NFKB2: variants seen among roughly 807,000 people sequenced by gnomAD.
The protein encoded by NFKB2 is nuclear factor NF-kappa-B p100 subunit.
Under a neutral mutation model 109.3 loss-of-function variants are expected in NFKB2, and 21 were observed. That is an observed-to-expected ratio of 0.19 (90% CI 0.14 to 0.28). NFKB2 has a LOEUF of 0.28. Among genes scored for constraint, NFKB2 ranks in the 10% least tolerant of loss-of-function variants. The pLI, the probability that NFKB2 is intolerant of heterozygous loss-of-function variation, is 1.00. For synonymous variants in NFKB2, 478 were observed against 489.9 expected, an observed-to-expected ratio of 0.98 and a Z score of 0.32; for missense variants, 806 against 1,185.3, an observed-to-expected ratio of 0.68 and a Z score of 4.70.
chr10:102,402,136 CCCGAGA>C lies in NFKB2; in HGVS notation c.2557_2562del (p.Arg853_Asp854del), dbSNP rs1192001551. The C allele has an allele frequency of 3.9e-5, 61 of 1,577,996 alleles. No homozygotes were observed. The highest frequency in any genetic ancestry group is 4.8e-5 in the Non-Finnish European group (56 of 1,161,498). ...GTGAGGCTGCTGAGGGGTCCAGAAA[CCCGAGA>C]CAAGCTGCCCAGCACAGGTAAAGGG... On this transcript the variant is annotated inframe_deletion, in exon 22 of 23. Coordinates refer to ENST00000661543, the MANE Select transcript of NFKB2 (RefSeq NM_001322934.2).
Position 102,400,989 on chromosome 10 carries a change from C to T in NFKB2, c.2011C>T (p.Pro671Ser). The change falls in exon 18 of 23, where the codon CCC becomes TCC. Residue 671 changes from proline to serine, a missense_variant. Pro to Ser is a moderately conservative substitution (Grantham distance 74). Coordinates refer to ENST00000661543, the MANE Select transcript of NFKB2 (RefSeq NM_001322934.2). The surrounding 1 kb of genome is among the most constrained non-coding windows in gnomAD (Gnocchi z 6.3). Reference sequence around the variant, plus strand: ...CGCTCGCACCTTTGCGGGAAACACACCCCTGCACCTGGCAGCTGGACTGGG... The same window carrying T: ...CGCTCGCACCTTTGCGGGAAACACATCCCTGCACCTGGCAGCTGGACTGGG... ...VNARTFAGNT[P>S]LHLAAGLGYP... 2 of 1,614,094 alleles carry T rather than the reference C, an allele frequency of 1.2e-6. No individual in the cohort carries two copies. Among genetic ancestry groups the T allele is most frequent in the Non-Finnish European group, 1.7e-6 (2 of 1,179,984 alleles).
At position 102,396,263 on chromosome 10, in the gene NFKB2, GTAT is replaced by G. The variant is rs1415928008; in HGVS notation, c.37_39del (p.Ile13del). 6.2e-7 allele frequency: 1 copy of G among 1,611,444 alleles called. No individual in the cohort carries two copies. Among genetic ancestry groups the G allele is most frequent in the Non-Finnish European group, 8.5e-7 (1 of 1,177,848 alleles). The stretch of plus-strand genomic sequence containing the variant: ...CTGTCTCCAAACCAGGGTCTGGATG[GTAT>G]TATTGAATATGATGATTTCAAATTG... On this transcript the variant is annotated inframe_deletion, in exon 3 of 23. Coordinates refer to ENST00000661543, the MANE Select transcript of NFKB2 (RefSeq NM_001322934.2). The surrounding 1 kb of genome is among the most constrained non-coding windows in gnomAD (Gnocchi z 5.9).
At position 102,395,881 on chromosome 10, in the gene NFKB2, A is replaced by C; in HGVS notation, c.-72-7A>C. 8.2e-7 allele frequency: 1 copy of C among 1,226,986 alleles called. No individual in the cohort carries two copies. Among genetic ancestry groups the C allele is most frequent in the Non-Finnish European group, 1.1e-6 (1 of 940,348 alleles). 76.0% of individuals were successfully genotyped at this position (1,226,986 alleles called of 1,614,324 possible). ...CCCCTCCCCCACGCCACTCCTCCCA[A>C]CTTTAGGCGGGCGTCTAAAATTCTG... On this transcript the variant is annotated splice_polypyrimidine_tract_variant and splice_region_variant and intron_variant, in intron 1 of 22. Transcript: ENST00000661543.
rs2061183938 is a variant in NFKB2 at position 102,399,496 on chromosome 10, A to T, written c.1326A>T (p.Arg442=). 6.7e-7 allele frequency: 1 copy of T among 1,496,154 alleles called. No individual in the cohort carries two copies. Among genetic ancestry groups the T allele is most frequent in the Non-Finnish European group, 8.9e-7 (1 of 1,121,368 alleles). The allele number at this position is 1,496,154 out of a possible 1,614,324, so 92.7% of individuals were successfully genotyped here. A position where few individuals can be genotyped will look rare whatever the true frequency, so the allele number is the denominator to read the frequency against. ...CEPQAPEMLQ[R]AREYNARLFG... ...CGCAGGCCCCGGAGATGCTGCAGCGAGGTATGGACTCCGGGGCACGGGCGG... is the reference window on the plus strand; with the variant it reads ...CGCAGGCCCCGGAGATGCTGCAGCGTGGTATGGACTCCGGGGCACGGGCGG... The change falls in exon 13 of 23, where the codon CGA becomes CGT. Residue 442 remains arginine (R), a splice_region_variant and synonymous_variant. Transcript: ENST00000661543.
Position 102,400,081 on chromosome 10 carries a change from C to A in NFKB2, c.1471C>A (p.Pro491Thr). The A allele has an allele frequency of 1.9e-6, 3 of 1,613,962 alleles. No individual in the cohort carries two copies. Among genetic ancestry groups the A allele is most frequent in the Non-Finnish European group, 2.5e-6 (3 of 1,179,894 alleles). The change falls in exon 15 of 23, where the codon CCA becomes ACA. Residue 491 changes from proline to threonine, a missense_variant and splice_region_variant. Coordinates refer to ENST00000661543, the MANE Select transcript of NFKB2 (RefSeq NM_001322934.2). This position sits in a 1 kb window ranked among gnomAD's most constrained non-coding sequence, Gnocchi z 6.3. ...AGACTCTCGCTCCCCAACCCCCAGA[C>A]CACTGCACCTAGCCATCATCCACGG... The part of the protein sequence containing the change: ...LTAQDENGDT[P>T]LHLAIIHGQT...
rs769904584 is a variant in NFKB2, at chr10:102,399,346, G to A, written c.1176G>A (p.Ala392=). The A allele has an allele frequency of 1.9e-6, 3 of 1,566,724 alleles. No individual in the cohort carries two copies. The highest frequency in any genetic ancestry group is 2.3e-5 in the East Asian group (1 of 42,930). The change falls in exon 13 of 23, where the codon GCG becomes GCA. Residue 392 remains alanine (A), a synonymous_variant. Transcript: ENST00000661543. Reference sequence around the variant, plus strand: ...CCTACAGCCCCTACCAGTCCGGCGCGGGCCCCATGGGCTGCTACCCGGGAG... The same window carrying A: ...CCTACAGCCCCTACCAGTCCGGCGCAGGCCCCATGGGCTGCTACCCGGGAG... ...SLAYSPYQSG[A]GPMGCYPGGG... is the part of the protein sequence containing the mutation.
intron 14 of NFKB2, 91 bp downstream of exon 14, chr10:102,399,809 C>A: frequency 7.0e-7 from 1 of 1,424,368 alleles, no homozygotes; most frequent in Non-Finnish European, 9.2e-7. Context: ...TCGGACACGC[C>A]AGGCTTCAAG....
chr10:102,396,468 G>A lies in NFKB2; in HGVS notation c.123G>A (p.Val41=). 6.2e-7 allele frequency: 1 copy of A among 1,614,090 alleles called. No homozygotes were observed. The highest frequency in any genetic ancestry group is 8.5e-7 in the Non-Finnish European group (1 of 1,179,994). The change falls in exon 4 of 23, where the codon GTG becomes GTA. Residue 41 remains valine (V), a synonymous_variant. Transcript: ENST00000661543. The surrounding 1 kb of genome is among the most constrained non-coding windows in gnomAD (Gnocchi z 5.9). ...CCCCAGCTGATGGCCCCTACCTGGT[G>A]ATCGTGGAACAGCCTAAGCAGGTGA... ...APETADGPYL[V]IVEQPKQRGF...
chr10:102,399,002 C>G, intron 12 of NFKB2, 138 bp downstream of exon 12: 1 of 990,636 alleles, frequency 1.0e-6, no homozygotes. Flanking sequence ...TACCTGAGAT[C>G]AGGAGTTCAA....
Position 102,400,884 on chromosome 10 carries a change from G to T in NFKB2, c.1968+60G>T. 1 of 1,579,340 alleles carries T rather than the reference G, an allele frequency of 6.3e-7. No individual in the cohort carries two copies. Among genetic ancestry groups the T allele is most frequent in the Non-Finnish European group, 8.6e-7 (1 of 1,160,484 alleles). ...GGGTGGTGGAGGGGCCAAAGATGGT[G>T]AAGGGGGGGGCTGGCCAAGGGGACC... On this transcript the variant is annotated intron_variant, in intron 17 of 22. Coordinates refer to ENST00000661543, the MANE Select transcript of NFKB2 (RefSeq NM_001322934.2). The surrounding 1 kb of genome is among the most constrained non-coding windows in gnomAD (Gnocchi z 6.3).
Position 102,397,071 on chromosome 10 carries a change from G to A in NFKB2, c.395+16G>A, listed in dbSNP as rs191041910. 5.0e-6 allele frequency: 8 copies of A among 1,601,934 alleles called. No homozygotes were observed. The highest frequency in any genetic ancestry group is 2.2e-5 in the East Asian group (1 of 44,534). On this transcript the variant is annotated intron_variant, in intron 6 of 22. Coordinates refer to ENST00000661543, the MANE Select transcript of NFKB2 (RefSeq NM_001322934.2). The surrounding 1 kb of genome is among the most constrained non-coding windows in gnomAD (Gnocchi z 4.7). ...TGACTGCCCAGTAGGTGCCCTCTAC[G>A]CCTGGCCCCCACTGGTATGCCCGTC...
rs767603642 is a variant in NFKB2, at chr10:102,397,414, G to A, written c.502+6G>A. ...TAGGCCCCAGGGCCTTACGGGTATG[G>A]GTGCAGGGGGTGGGTCGGGTATGGG... On this transcript the variant is annotated splice_donor_region_variant and intron_variant, in intron 7 of 22. Transcript: ENST00000661543. The surrounding 1 kb of genome is among the most constrained non-coding windows in gnomAD (Gnocchi z 4.7). The A allele has an allele frequency of 6.2e-6, 10 of 1,610,100 alleles. No homozygotes were observed. In the Admixed American group the frequency reaches 8.4e-5, roughly 13 times the overall value.
rs1186513930 is a variant in NFKB2, at chr10:102,401,667, G to A, written c.2294-78G>A. The A allele has an allele frequency of 1.2e-5, 18 of 1,541,668 alleles. No homozygotes were observed. In the Admixed American group the frequency reaches 3.2e-4, roughly 27 times the overall value. ...GTCCTGTCTGTCGCTTACCTTGGGA[G>A]AAAGGCAGTGTTCAGGTGTCCATGT... On this transcript the variant is annotated intron_variant, in intron 20 of 22. Coordinates refer to ENST00000661543, the MANE Select transcript of NFKB2 (RefSeq NM_001322934.2). The surrounding 1 kb of genome is among the most constrained non-coding windows in gnomAD (Gnocchi z 4.2).
chr10:102,399,468 A>C lies in NFKB2; in HGVS notation c.1298A>C (p.Glu433Ala). Reference protein sequence around the residue: ...PSAPSRTPQCEPQAPEMLQRA... With the variant: ...PSAPSRTPQCAPQAPEMLQRA... ...GCCCCCTCCAGGACCCCCCAGTGCG[A>C]GCCGCAGGCCCCGGAGATGCTGCAG... Residue 433 changes from glutamate (E) to alanine (A), a missense_variant, in exon 13 of 23, where the codon GAG becomes GCG. By Grantham distance (107) the Glu-to-Ala change is moderately radical. Around this residue, in one of 10 missense-constraint regions of NFKB2, gnomAD observed 209 missense variants for 211.9 expected, o/e 0.99. Transcript: ENST00000661543. 6.7e-7 allele frequency: 1 copy of C among 1,500,912 alleles called. No homozygotes were observed. The highest frequency in any genetic ancestry group is 8.9e-7 in the Non-Finnish European group (1 of 1,122,764). The allele number at this position is 1,500,912 out of a possible 1,614,324, so 93.0% of individuals were successfully genotyped here. A position where few individuals can be genotyped will look rare whatever the true frequency, so the allele number is the denominator to read the frequency against.
In NFKB2 at chr10:102,402,256, G is replaced by A. The variant is rs927983104; in HGVS notation, c.2583G>A (p.Glu861=). The A allele has an allele frequency of 3.9e-6, 6 of 1,553,336 alleles. No individual in the cohort carries two copies. Among genetic ancestry groups the A allele is most frequent in the African/African-American group, 2.7e-5 (2 of 73,034 alleles). The stretch of plus-strand genomic sequence containing the variant: ...CCTGTCCCCATTTACCCCCAGCAGA[G>A]GTGAAGGAAGACAGTGCGTACGGGA... ...ETRDKLPSTA[E]VKEDSAYGSQ... Residue 861 remains glutamate (E), a synonymous_variant, in exon 23 of 23, where the codon GAG becomes GAA. Transcript: ENST00000661543.
chr10:102,395,078 T>C (rs1013199585), upstream of NFKB2, among the ~76,000 whole-genome samples: 1 of 109,192 alleles, frequency 9.2e-6, no homozygotes, highest in East Asian at 3.0e-4. Flanking sequence ...GGAGCTGTGA[T>C]GGAGACACAC....
rs1237110377 is a variant in NFKB2, at chr10:102,396,681, TG to T, written c.145-42del. The T allele has an allele frequency of 9.4e-6, 15 of 1,587,812 alleles. No homozygotes were observed. Among genetic ancestry groups the T allele is most frequent in the African/African-American group, 1.3e-5 (1 of 74,390 alleles). ...GCACTGCGGTCACTGCTGGCCTGGGTGGTCTTCCCTGATCACAATGCTACTA... is the reference window on the plus strand; with the variant it reads ...GCACTGCGGTCACTGCTGGCCTGGGTGTCTTCCCTGATCACAATGCTACTA... On this transcript the variant is annotated intron_variant, in intron 4 of 22. Transcript: ENST00000661543. The surrounding 1 kb of genome is among the most constrained non-coding windows in gnomAD (Gnocchi z 5.9).
At position 102,402,392 on chromosome 10, in the gene NFKB2, C is replaced by T. The variant is rs1238183231; in HGVS notation, c.*16C>T. On this transcript the variant is annotated 3_prime_UTR_variant, in exon 23 of 23. Transcript: ENST00000661543. ...GGTGCACTGACCTGCTGCCTGCCCC[C>T]AGCCCCCTTCCCGGACCCCCTGTAC... is the stretch of plus-strand genomic sequence containing the variant. The T allele has an allele frequency of 6.7e-7, 1 of 1,491,092 alleles. No individual in the cohort carries two copies. The highest frequency in any genetic ancestry group is 9.0e-7 in the Non-Finnish European group (1 of 1,107,838). 92.4% of individuals were successfully genotyped at this position (1,491,092 alleles called of 1,614,324 possible). A position where few individuals can be genotyped will look rare whatever the true frequency, so the allele number is the denominator to read the frequency against.
Position 102,401,975 on chromosome 10 carries a change from T to G in NFKB2, c.2466+58T>G. The G allele has an allele frequency of 6.3e-7, 1 of 1,590,314 alleles. No homozygotes were observed. The highest frequency in any genetic ancestry group is 8.6e-7 in the Non-Finnish European group (1 of 1,166,478). On this transcript the variant is annotated intron_variant, in intron 21 of 22. Coordinates refer to ENST00000661543, the MANE Select transcript of NFKB2 (RefSeq NM_001322934.2). This position sits in a 1 kb window ranked among gnomAD's most constrained non-coding sequence, Gnocchi z 4.2. ...CCTCCTTTCCCGATCTGAGTCCAGG[T>G]GCCTCCTTGGCCCCAGGGCTCCCGA...
Sources: allele counts gnomAD v4.1 joint callset (sites outside exome capture counted in the v4.1 genomes callset), GRCh38; gene constraint gnomAD v4.1.1; regional missense constraint gnomAD v4.1.1; non-coding constraint Gnocchi (gnomAD v3.1); transcripts MANE v1.5; gene names NCBI Gene and HGNC (gene_info 2026-07-23, HGNC 2026-07-21).